NXN: variants seen among roughly 807,000 people sequenced by gnomAD.
NXN encodes nucleoredoxin 1.
NXN carries 16 observed loss-of-function variants against 48.6 expected under a neutral mutation model. That is an observed-to-expected ratio of 0.33 (90% CI 0.22 to 0.50). NXN has a LOEUF of 0.50. Ranked by LOEUF, NXN falls within the 20% of genes least tolerant of loss-of-function variation. The pLI, the probability that NXN is intolerant of heterozygous loss-of-function variation, is 0.98. For missense variants in NXN, 492 were observed against 605.5 expected (o/e 0.81, Z 1.97); for synonymous variants, 281 against 269.6 (o/e 1.04, Z -0.41).
chr17:820,106 G>A (rs911244863), intron 4 of NXN, among the ~76,000 whole-genome samples: 3 of 152,140 alleles, frequency 2.0e-5, no homozygotes, highest in African/African-American at 7.2e-5. Context: ...AACCTACGGA[G>A]TGATGAAAAT....
chr17:877,211 G>A (rs776819204), intron 1 of NXN, among the ~76,000 whole-genome samples: 1 of 151,890 alleles, frequency 6.6e-6, no homozygotes, highest in Non-Finnish European at 1.5e-5. Context: ...GCAGTGGCAT[G>A]ATCTCGGCTC....
chr17:938,487 C>T lies in NXN; in HGVS notation c.360+40832G>A, dbSNP rs146437874. ...ACGAGGTCAGGAGTTCGAGATCAGC[C>T]CAGCCAACATGGCGAAACCCCCGTC... On this transcript the variant is annotated intron_variant, in intron 1 of 7. Transcript: ENST00000336868. Among the ~76,000 whole-genome samples the T allele has an allele frequency of 2.1e-3, 309 of 149,586 alleles. 6 individuals carry two copies. In the East Asian group the frequency reaches 0.045, roughly 22 times the overall value.
At position 831,000 on chromosome 17, in the gene NXN, CAA is replaced by C. The variant is rs567432488; in HGVS notation, c.361-4924_361-4923del. Among the ~76,000 whole-genome samples, 4 of 108,246 alleles carry C rather than the reference CAA, an allele frequency of 3.7e-5. No homozygotes were observed. The highest frequency in any genetic ancestry group is 2.0e-5 in the Non-Finnish European group (1 of 50,500). The allele number at this position is 108,246 out of a possible 152,430, so 71.0% of individuals were successfully genotyped here. On this transcript the variant is annotated intron_variant, in intron 1 of 7. Transcript: ENST00000336868. This position sits in a 1 kb window ranked among gnomAD's most constrained non-coding sequence, Gnocchi z 4.2. ...GGGCAACAAGAGCGAAACTCCGTCT[CAA>C]AAAAAAAAAAAAAACATGCTCTAAC...
intron 1 of NXN, among the ~76,000 whole-genome samples, chr17:969,820 C>T (rs2069352007): frequency 6.6e-6 from 1 of 152,098 alleles, no homozygotes; most frequent in Non-Finnish European, 1.5e-5. Flanking sequence ...GAAATTCTCC[C>T]AGGAAAACAA....
intron 1 of NXN, among the ~76,000 whole-genome samples, chr17:826,744 C>A (rs1474440438): frequency 6.6e-6 from 1 of 152,182 alleles, no homozygotes; most frequent in Non-Finnish European, 1.5e-5. Flanking sequence ...TTACGTTCAG[C>A]CCACAAAGCA....
chr17:951,016 G>A (rs541172608), intron 1 of NXN, among the ~76,000 whole-genome samples: 90 of 151,908 alleles, frequency 5.9e-4, no homozygotes, highest in African/African-American at 2.0e-3. Flanking sequence ...GAAAAAACCG[G>A]GTAGAACCCT....
intron 1 of NXN, among the ~76,000 whole-genome samples, chr17:972,727 A>G (rs1228998461): frequency 2.0e-5 from 3 of 152,126 alleles, no homozygotes; most frequent in Non-Finnish European, 4.4e-5. Flanking sequence ...AAAAGGTAGG[A>G]ATATTTTAAA....
chr17:918,538 G>A (rs1248420400), intron 1 of NXN, among the ~76,000 whole-genome samples: 1 of 152,130 alleles, frequency 6.6e-6, no homozygotes, highest in African/African-American at 2.4e-5. Context: ...GCTCATGCCT[G>A]TAATCCCAGA....
chr17:868,697 T>C (rs1457555337), intron 1 of NXN, among the ~76,000 whole-genome samples: 1 of 152,124 alleles, frequency 6.6e-6, no homozygotes, highest in Non-Finnish European at 1.5e-5. Context: ...TTTCACCACG[T>C]TAGCCAGGAT....
chr17:809,868 T>A (rs75388143), intron 5 of NXN, among the ~76,000 whole-genome samples: 1 of 130,574 alleles, frequency 7.7e-6, no homozygotes, highest in Admixed American at 7.8e-5. Flanking sequence ...ACCTTACGAG[T>A]CAGTGTGAGT....
intron 1 of NXN, among the ~76,000 whole-genome samples, chr17:833,677 A>C (rs1913623472): frequency 6.6e-6 from 1 of 152,160 alleles, no homozygotes; most frequent in Non-Finnish European, 1.5e-5. Context: ...ATCCCCCTGA[A>C]GCCTGTTAGC....
intron 1 of NXN, among the ~76,000 whole-genome samples, chr17:842,347 G>A (rs550545679): frequency 2.1e-4 from 32 of 152,314 alleles, no homozygotes; most frequent in African/African-American, 6.5e-4. Flanking sequence ...CAGGGGAGCC[G>A]CTGGTGGCCA....
chr17:836,633 G>A (rs946421640), intron 1 of NXN, among the ~76,000 whole-genome samples: 2 of 152,140 alleles, frequency 1.3e-5, no homozygotes, highest in Admixed American at 6.6e-5. Context: ...TGTTCCAGCC[G>A]CTTATTAGTG....
intron 5 of NXN, among the ~76,000 whole-genome samples, chr17:817,671 G>GAAA (rs1230474649): frequency 7.5e-5 from 8 of 107,152 alleles, no homozygotes; most frequent in East Asian, 2.8e-4. Flanking sequence ...TCCAATTCAG[G>GAAA]AAAAAAAAAA....
chr17:831,736 G>A (rs1005858297), intron 1 of NXN, among the ~76,000 whole-genome samples: 2 of 151,808 alleles, frequency 1.3e-5, no homozygotes. Context: ...CTGACCTCAG[G>A]TGATCCAAGC....
chr17:912,220 G>C (rs2068643249), intron 1 of NXN, among the ~76,000 whole-genome samples: 1 of 151,948 alleles, frequency 6.6e-6, no homozygotes, highest in Non-Finnish European at 1.5e-5. Flanking sequence ...TTATAAGCGT[G>C]AGCCACCACA....
chr17:854,560 C>T (rs2067964641), intron 1 of NXN, among the ~76,000 whole-genome samples: 1 of 150,156 alleles, frequency 6.7e-6, no homozygotes, highest in Admixed American at 6.7e-5. Context: ...GAGGCTGAGG[C>T]AGGAGAATGG....
intron 1 of NXN, among the ~76,000 whole-genome samples, chr17:838,485 C>A (rs530669040): frequency 3.3e-5 from 5 of 152,258 alleles, no homozygotes; most frequent in East Asian, 1.9e-4. Context: ...GCTTTGCAAC[C>A]CGACAGAGCT....
At chr17:863,987 C>T in intron 1 of NXN, 1 of 1,535,416 alleles carries the variant, frequency 6.5e-7, no homozygotes, top group South Asian at 1.2e-5. Context: ...TTAACCATTG[C>T]TCAGTTTCGG....
Sources: allele counts gnomAD v4.1 joint callset (sites outside exome capture counted in the v4.1 genomes callset), GRCh38; gene constraint gnomAD v4.1.1; non-coding constraint Gnocchi (gnomAD v3.1); transcripts MANE v1.5; gene names NCBI Gene and HGNC (gene_info 2026-07-23, HGNC 2026-07-21).